The following NAMPT variants were observed in gnomAD, a reference collection of about 807,000 sequenced individuals.
NAMPT encodes nicotinamide phosphoribosyltransferase.
NAMPT carries 7 observed loss-of-function variants against 58.7 expected under a neutral mutation model. That is an observed-to-expected ratio of 0.12 (90% CI 0.07 to 0.22). The LOEUF (loss-of-function observed/expected upper bound fraction) is 0.22, where lower values mean the gene tolerates loss of function less well. Among genes scored for constraint, NAMPT ranks in the 10% least tolerant of loss-of-function variants. NAMPT has a pLI of 1.00. For missense variants in NAMPT, 271 were observed against 567.9 expected, an observed-to-expected ratio of 0.48 and a Z score of 5.31; for synonymous variants, 145 against 198.1, an observed-to-expected ratio of 0.73 and a Z score of 2.25.
At chr7:106,253,642 C>T (rs1432744863) in intron 9 of NAMPT, 1 of 154,042 alleles carries the variant, frequency 6.5e-6, no homozygotes, top group Non-Finnish European at 1.4e-5. Flanking sequence ...TTACTTTTGC[C>T]TTGTTATTGT....
chr7:106,254,776 A>T (rs567739772), intron 8 of NAMPT, among the ~76,000 whole-genome samples: 1 of 152,232 alleles, frequency 6.6e-6, no homozygotes, highest in South Asian at 2.1e-4. Context: ...GAAATGAGAG[A>T]AAGTGAGAAA....
chr7:106,284,964 G>C lies in NAMPT; in HGVS notation c.-80C>G, dbSNP rs1486744139. On this transcript the variant is annotated 5_prime_UTR_variant, in exon 1 of 11. Coordinates refer to ENST00000222553, the MANE Select transcript of NAMPT (RefSeq NM_005746.3). ...GAAGGAGAAAAATGAGCTTCACCGC[G>C]CTCCGTTGCTTAAGTCACTGCTCGG... The C allele has an allele frequency of 1.3e-6, 2 of 1,534,570 alleles. No homozygotes were observed. Among genetic ancestry groups the C allele is most frequent in the Non-Finnish European group, 1.8e-6 (2 of 1,135,270 alleles).
chr7:106,278,662 A>C (rs1056073394), intron 1 of NAMPT, among the ~76,000 whole-genome samples: 51 of 152,224 alleles, frequency 3.4e-4, no homozygotes, highest in African/African-American at 1.2e-3. Context: ...TGTAGTAATA[A>C]ATATGACCAC....
chr7:106,270,948 C>CCAAT (rs1398920576), intron 4 of NAMPT, among the ~76,000 whole-genome samples: 5 of 152,188 alleles, frequency 3.3e-5, no homozygotes, highest in African/African-American at 1.2e-4. Context: ...AACTCTATAA[C>CCAAT]CAATCACCTC....
At chr7:106,270,170 A>G (rs1792505216) in intron 4 of NAMPT, 1 of 224,430 alleles carries the variant, frequency 4.5e-6, no homozygotes. Context: ...TCCACAGAAA[A>G]GTCTGTCTAA....
intron 7 of NAMPT, 88 bp from the exon 8 acceptor site, chr7:106,261,795 T>C: frequency 1.5e-6 from 2 of 1,359,794 alleles, no homozygotes; most frequent in Non-Finnish European, 2.1e-6. Context: ...TTTGCTTTGA[T>C]AATCGAGAAT....
intron 6 of NAMPT, among the ~76,000 whole-genome samples, chr7:106,267,927 G>C (rs1226872141): frequency 6.9e-6 from 1 of 144,940 alleles, no homozygotes; most frequent in Non-Finnish European, 1.5e-5. Flanking sequence ...AGCAGCTGCA[G>C]TTTAGATTGT....
intron 1 of NAMPT, 39 bp downstream of exon 1, chr7:106,284,789 G>T: frequency 8.4e-7 from 1 of 1,195,986 alleles, no homozygotes; most frequent in East Asian, 7.0e-5. Flanking sequence ...TCCCCAGCGC[G>T]CCCCGCTCCT....
chr7:106,266,555 T>TA (rs1436700254), intron 6 of NAMPT, among the ~76,000 whole-genome samples: 1 of 152,228 alleles, frequency 6.6e-6, no homozygotes, highest in East Asian at 1.9e-4. Context: ...ACAATGCTCA[T>TA]AAACGTCAGC....
At chr7:106,254,831 A>T (rs1727466380) in intron 8 of NAMPT, among the ~76,000 whole-genome samples, 1 of 152,198 alleles carries the variant, frequency 6.6e-6, no homozygotes, top group South Asian at 2.1e-4. Context: ...AACTTCTCTC[A>T]TTCACCTCGT....
chr7:106,263,026 C>G (rs1792338106), intron 7 of NAMPT: 1 of 212,246 alleles, frequency 4.7e-6, no homozygotes, highest in African/African-American at 2.3e-5. Flanking sequence ...TTCTTCTGTG[C>G]TAACAACTTC....
At chr7:106,254,530 C>T (rs200846683) in intron 8 of NAMPT, 26 bp from the exon 9 acceptor site, 3 of 1,606,714 alleles carry the variant, frequency 1.9e-6, no homozygotes, top group Non-Finnish European at 2.6e-6. Context: ...AAAACAAAAC[C>T]AAACCAAACC....
At chr7:106,282,193 G>A (rs10247906) in intron 1 of NAMPT, among the ~76,000 whole-genome samples, 4,672 of 151,422 alleles carry the variant, frequency 0.031, 264 homozygotes, top group African/African-American at 0.11. Flanking sequence ...TTGTTACTTG[G>A]CCATTAGAGG....
intron 6 of NAMPT, among the ~76,000 whole-genome samples, chr7:106,265,561 A>G (rs1792393767): frequency 7.1e-6 from 1 of 140,818 alleles, no homozygotes; most frequent in Admixed American, 7.5e-5. Context: ...GAAACACTCA[A>G]AAGCTTAAAA....
chr7:106,272,647 C>A lies in NAMPT; in HGVS notation c.330G>T (p.Gly110=). The change falls in exon 4 of 11, where the codon GGG becomes GGT. Residue 110 remains glycine (G), a synonymous_variant. Transcript: ENST00000222553. ...CAGCTTTTATTTCTATTGGAAGATG[C>A]CCATCATACTTCTGGCAGGATAAAA... ...GWNYILEKYD[G]HLPIEIKAVP... The A allele has an allele frequency of 6.2e-7, 1 of 1,612,616 alleles. No homozygotes were observed. Among genetic ancestry groups the A allele is most frequent in the Non-Finnish European group, 8.5e-7 (1 of 1,179,052 alleles).
chr7:106,269,063 G>C, intron 5 of NAMPT, 91 bp downstream of exon 5: 3 of 1,227,460 alleles, frequency 2.4e-6, no homozygotes, highest in Non-Finnish European at 2.3e-6. Flanking sequence ...TTAGAACCAA[G>C]ATCAATCTCA....
In NAMPT at chr7:106,269,084, C is replaced by T. The variant is rs1196567308; in HGVS notation, c.606+70G>A. On this transcript the variant is annotated intron_variant, in intron 5 of 10. Coordinates refer to ENST00000222553, the MANE Select transcript of NAMPT (RefSeq NM_005746.3). ...CCAAGATCAATCTCAATAACGTCCC[C>T]AAAAGTTTACAGTGGTACTCTAACC... 19 of 1,442,176 alleles carry T rather than the reference C, an allele frequency of 1.3e-5. No homozygotes were observed. In the Middle Eastern group the frequency reaches 2.7e-3, roughly 203 times the overall value. 89.3% of individuals were successfully genotyped at this position (1,442,176 alleles called of 1,614,324 possible). A position where few individuals can be genotyped will look rare whatever the true frequency, so the allele number is the denominator to read the frequency against.
chr7:106,262,412 T>C (rs767855937), intron 7 of NAMPT, among the ~76,000 whole-genome samples: 5 of 152,124 alleles, frequency 3.3e-5, no homozygotes, highest in Non-Finnish European at 5.9e-5. Flanking sequence ...AAGAGAAAAT[T>C]CCCCATTGAT....
chr7:106,267,868 A>AAAAAAAAAAAAAAAAC (rs1792454087), intron 6 of NAMPT, among the ~76,000 whole-genome samples: 1 of 141,024 alleles, frequency 7.1e-6, no homozygotes, highest in Non-Finnish European at 1.5e-5. Context: ...AAAAAAAAAA[A>AAAAAAAAAAAAAAAAC]AAAAAAAACA....
Sources: allele counts gnomAD v4.1 joint callset (sites outside exome capture counted in the v4.1 genomes callset), GRCh38; gene constraint gnomAD v4.1.1; transcripts MANE v1.5; gene names NCBI Gene and HGNC (gene_info 2026-07-23, HGNC 2026-07-21).